TK1: variants seen among roughly 807,000 people sequenced by gnomAD.
TK1 encodes thymidine kinase, cytosolic.
TK1 carries 13 observed loss-of-function variants against 22.4 expected under a neutral mutation model. That is an observed-to-expected ratio of 0.58 (90% confidence interval 0.38 to 0.92). The LOEUF is 0.92. Among genes scored for constraint, TK1 ranks in the 40% least tolerant of loss-of-function variants. The pLI is 0.00. For synonymous variants in TK1, 134 were observed against 125.4 expected (o/e 1.07, Z -0.46); for missense variants, 251 against 315.7 (o/e 0.80, Z 1.55).
intron 4 of TK1, among the ~76,000 whole-genome samples, chr17:78,178,261 G>A (rs551536921): frequency 6.6e-6 from 1 of 152,324 alleles, no homozygotes; most frequent in South Asian, 2.1e-4. Context: ...GTTGATGCAA[G>A]GGTGCCCACC....
chr17:78,175,272 C>T, intron 5 of TK1, 103 bp from the exon 6 acceptor site: 1 of 1,411,936 alleles, frequency 7.1e-7, no homozygotes, highest in South Asian at 1.4e-5. Flanking sequence ...AGAGTTTGCT[C>T]TGACCTTAGT....
chr17:78,178,687 A>G (rs2075718229), intron 4 of TK1, among the ~76,000 whole-genome samples: 1 of 152,198 alleles, frequency 6.6e-6, no homozygotes, highest in South Asian at 2.1e-4. Flanking sequence ...GTTGTTGCCC[A>G]GGCTTGGAGT....
intron 3 of TK1, among the ~76,000 whole-genome samples, chr17:78,183,224 T>C (rs1387800145): frequency 6.6e-6 from 1 of 152,156 alleles, no homozygotes; most frequent in Non-Finnish European, 1.5e-5. Context: ...GACTAAAAAC[T>C]CTTCCACTGT....
chr17:78,186,641 A>T, intron 2 of TK1, 146 bp downstream of exon 2: 1 of 788,978 alleles, frequency 1.3e-6, no homozygotes, highest in Non-Finnish European at 2.0e-6. Context: ...GAGCTGTAGG[A>T]GGCTGTGCTG....
chr17:78,177,189 G>T (rs2075706858), intron 4 of TK1, among the ~76,000 whole-genome samples: 1 of 152,196 alleles, frequency 6.6e-6, no homozygotes, highest in Non-Finnish European at 1.5e-5. Flanking sequence ...CTCTGTGCCA[G>T]ACCCTAACTT....
rs530032255 is a variant in TK1 at position 78,177,448 on chromosome 17, A to C, written c.304-1830T>G. 7.8e-4 allele frequency among the ~76,000 whole-genome samples: 119 copies of C among 152,376 alleles called. 1 individual carries two copies. The South Asian group carries it at 0.024, about 30-fold the overall frequency. On this transcript the variant is annotated intron_variant, in intron 4 of 6. Transcript: ENST00000301634. ...ACTTGGGGCTCATTCCCAAGGTCTC[A>C]TTATATTATGAACATGCAAATATTC...
intron 4 of TK1, among the ~76,000 whole-genome samples, chr17:78,180,305 A>G (rs1023977483): frequency 1.3e-5 from 2 of 152,234 alleles, no homozygotes; most frequent in African/African-American, 4.8e-5. Context: ...GCCTGGAACC[A>G]CGTAGGGGGT....
intron 4 of TK1, among the ~76,000 whole-genome samples, chr17:78,176,325 T>TAGCTGGTTGAGTTCATATGTCCA (rs1332133356): frequency 2.6e-4 from 39 of 152,272 alleles, no homozygotes; most frequent in African/African-American, 8.9e-4. Flanking sequence ...ATATCACTCT[T>TAGCTGGTTGAGTTCATATGTCCA]AGCTGGTTGA....
At chr17:78,175,738 T>A in intron 4 of TK1, 120 bp from the exon 5 acceptor site, 1 of 842,350 alleles carries the variant, frequency 1.2e-6, no homozygotes, top group Non-Finnish European at 1.8e-6. Flanking sequence ...GAGTAACTCT[T>A]AATTCTCCCA....
intron 4 of TK1, among the ~76,000 whole-genome samples, chr17:78,180,057 C>T (rs1253424026): frequency 6.6e-6 from 1 of 152,190 alleles, no homozygotes; most frequent in Non-Finnish European, 1.5e-5. Flanking sequence ...GGCCACAGAG[C>T]AAGACTGTTT....
Position 78,174,667 on chromosome 17 carries a change from C to T in TK1, c.*92G>A, listed in dbSNP as rs2075684163. Reference sequence around the variant, plus strand: ...AAGGTGTGGTCACCCTCCACGCCTCCCGACTTCCTCCTGGAGTGGCTGGGC... The same window carrying T: ...AAGGTGTGGTCACCCTCCACGCCTCTCGACTTCCTCCTGGAGTGGCTGGGC... On this transcript the variant is annotated 3_prime_UTR_variant, in exon 7 of 7. Transcript: ENST00000301634. 7.0e-7 allele frequency: 1 copy of T among 1,427,776 alleles called. No individual in the cohort carries two copies. The highest frequency in any genetic ancestry group is 1.4e-5 in the African/African-American group (1 of 69,670). The allele number at this position is 1,427,776 out of a possible 1,614,324, so 88.4% of individuals were successfully genotyped here.
Position 78,185,075 on chromosome 17 carries a change from G to A in TK1, c.189C>T (p.Ser63=), listed in dbSNP as rs1249617513. The change falls in exon 3 of 7, where the codon AGC becomes AGT. Residue 63 remains serine (S), a synonymous_variant. Coordinates refer to ENST00000301634, the MANE Select transcript of TK1 (RefSeq NM_003258.5). The part of the protein sequence containing the change: ...IKYAKDTRYS[S]SFCTHDRNTM... ...CTGACCGGTCATGTGTGCAGAAGCT[G>A]CTGCTGTAGCGAGTGTCTTTGGCAT... 3.7e-6 allele frequency: 6 copies of A among 1,612,680 alleles called. No homozygotes were observed. The African/African-American group carries it at 4.0e-5, about 11-fold the overall frequency.
chr17:78,183,910 A>G (rs968298436), intron 3 of TK1: 1 of 152,240 alleles, frequency 6.6e-6, no homozygotes, highest in Non-Finnish European at 1.5e-5. Flanking sequence ...CGAGCCATCA[A>G]TGCTGCTGGC....
chr17:78,182,461 AC>A lies in TK1; in HGVS notation c.303+127del, dbSNP rs913800600. 8 of 628,888 alleles carry A rather than the reference AC, an allele frequency of 1.3e-5. No homozygotes were observed. The African/African-American group carries it at 1.5e-4, about 12-fold the overall frequency. 39.0% of individuals were successfully genotyped at this position (628,888 alleles called of 1,614,324 possible). A position where few individuals can be genotyped will look rare whatever the true frequency, so the allele number is the denominator to read the frequency against. On this transcript the variant is annotated intron_variant, in intron 4 of 6. Coordinates refer to ENST00000301634, the MANE Select transcript of TK1 (RefSeq NM_003258.5). ...AAAGGGGCCTTCAGAGGGTATTCCA[AC>A]ACTAGTTGTAGCTATTTAACCTTGT...
intron 4 of TK1, chr17:78,179,205 T>C (rs2075721868): frequency 1.0e-6 from 1 of 985,390 alleles, no homozygotes; most frequent in Non-Finnish European, 1.2e-6. Flanking sequence ...TTGCCAAAGC[T>C]GAAGCTTCCT....
chr17:78,179,203 GCTGA>G, intron 4 of TK1: 1 of 985,416 alleles, frequency 1.0e-6, no homozygotes, highest in Non-Finnish European at 1.2e-6. Flanking sequence ...CCTTGCCAAA[GCTGA>G]AGCTTCCTTG....
chr17:78,179,546 C>T (rs1026971748), intron 4 of TK1: 1 of 985,338 alleles, frequency 1.0e-6, no homozygotes, highest in African/African-American at 1.7e-5. Context: ...GGGGAAGGGA[C>T]CCGTCAGCCT....
chr17:78,186,128 C>CGGG lies in TK1; in HGVS notation c.98+656_98+658dup, dbSNP rs60025049. Among the ~76,000 whole-genome samples the CGGG allele has an allele frequency of 3.0e-3, 446 of 147,244 alleles. 3 individuals carry two copies. Among genetic ancestry groups the CGGG allele is most frequent in the African/African-American group, 0.011 (407 of 38,658 alleles). ...TAAAATAAAATTAGCTGGGTGGAGG[C>CGGG]GGGGGGGTGCACGCCTGTAGTCCCA... is the stretch of plus-strand genomic sequence containing the variant. On this transcript the variant is annotated intron_variant, in intron 2 of 6. Transcript: ENST00000301634.
chr17:78,179,140 A>C, intron 4 of TK1: 1 of 984,690 alleles, frequency 1.0e-6, no homozygotes, highest in Non-Finnish European at 1.2e-6. Context: ...ACGCAGAGCC[A>C]GGAGAACAGA....
Sources: allele counts gnomAD v4.1 joint callset (sites outside exome capture counted in the v4.1 genomes callset), GRCh38; gene constraint gnomAD v4.1.1; transcripts MANE v1.5; gene names NCBI Gene and HGNC (gene_info 2026-07-23, HGNC 2026-07-21).